The following SASS6 variants were observed in gnomAD, a reference collection of about 807,000 sequenced individuals.
The protein encoded by SASS6 is SAS-6 centriolar assembly protein.
In SASS6, 59 loss-of-function variants were observed where a neutral mutation model predicts 94.9. The observed-to-expected ratio is 0.62, with a 90% CI of 0.50 to 0.77. The LOEUF is 0.77. SASS6 is among the 30% of genes least tolerant of loss of function. The pLI, the probability that SASS6 is intolerant of heterozygous loss-of-function variation, is 0.00. For missense variants in SASS6, 698 were observed against 734.1 expected (o/e 0.95, Z 0.57); for synonymous variants, 264 against 270.0 (o/e 0.98, Z 0.22).
chr1:100,127,349 C>G (rs1448883752), intron 1 of SASS6, among the ~76,000 whole-genome samples: 1 of 152,178 alleles, frequency 6.6e-6, no homozygotes, highest in African/African-American at 2.4e-5. Flanking sequence ...AAAGTATAAA[C>G]AGCAATTGAG....
chr1:100,113,715 G>A (rs1163270106), intron 7 of SASS6, among the ~76,000 whole-genome samples: 1 of 150,636 alleles, frequency 6.6e-6, no homozygotes, highest in Non-Finnish European at 1.5e-5. Flanking sequence ...ACTAATTAAT[G>A]AAATGAAAAA....
chr1:100,114,505 G>T, intron 7 of SASS6, among the ~76,000 whole-genome samples: 1 of 150,916 alleles, frequency 6.6e-6, no homozygotes, highest in Admixed American at 6.6e-5. Context: ...CCAACATAGT[G>T]AGACTCCATC....
At position 100,085,119 on chromosome 1, in the gene SASS6, T is replaced by C; in HGVS notation, c.*209A>G. The C allele has an allele frequency of 4.1e-6, 2 of 487,224 alleles. No individual in the cohort carries two copies. Among genetic ancestry groups the C allele is most frequent in the African/African-American group, 1.9e-5 (1 of 52,198 alleles). The allele number at this position is 487,224 out of a possible 1,614,324, so 30.2% of individuals were successfully genotyped here. A position where few individuals can be genotyped will look rare whatever the true frequency, so the allele number is the denominator to read the frequency against. ...AACGCCATGTTCACAAACCAAAAAA[T>C]GTCATTTACTCACAATCTTTACCAA... On this transcript the variant is annotated 3_prime_UTR_variant, in exon 17 of 17. Transcript: ENST00000287482.
At position 100,083,700 on chromosome 1, in the gene SASS6, T is replaced by TAAAG. The variant is rs1651008165; in HGVS notation, c.*1624_*1627dup. 6.6e-6 allele frequency: 1 copy of TAAAG among 151,960 alleles called. No individual in the cohort carries two copies. The highest frequency in any genetic ancestry group is 1.5e-5 in the Non-Finnish European group (1 of 67,924). 9.4% of individuals were successfully genotyped at this position (151,960 alleles called of 1,614,324 possible). A position where few individuals can be genotyped will look rare whatever the true frequency, so the allele number is the denominator to read the frequency against. ...CAATTGCAACTAAAAGTTTAGGAGG[T>TAAAG]AAAGAATTAGCACACTTGGAAGTCT... On this transcript the variant is annotated 3_prime_UTR_variant, in exon 17 of 17. Transcript: ENST00000287482.
intron 14 of SASS6, among the ~76,000 whole-genome samples, chr1:100,092,233 C>G (rs566678414): frequency 2.0e-4 from 31 of 151,876 alleles, no homozygotes; most frequent in African/African-American, 7.0e-4. Context: ...GAGAACGATT[C>G]AAATTTACTG....
At chr1:100,132,700 T>C in intron 1 of SASS6, 50 bp downstream of exon 1, 1 of 1,459,450 alleles carries the variant, frequency 6.9e-7, no homozygotes, top group Non-Finnish European at 9.6e-7. Context: ...CTTTCCCCAT[T>C]GGCCTGACCC....
At chr1:100,120,592 A>G in intron 5 of SASS6, 133 bp from the exon 6 acceptor site, 1 of 555,980 alleles carries the variant, frequency 1.8e-6, no homozygotes, top group Non-Finnish European at 3.2e-6. Flanking sequence ...CTCAAATCTA[A>G]ATCATTTTAA....
chr1:100,097,766 G>T (rs1652209273), intron 14 of SASS6, among the ~76,000 whole-genome samples: 1 of 152,106 alleles, frequency 6.6e-6, no homozygotes, highest in Admixed American at 6.5e-5. Flanking sequence ...GGAGGTCGAG[G>T]CTGCAATAAG....
chr1:100,121,168 TA>T (rs1654166551), intron 5 of SASS6, among the ~76,000 whole-genome samples: 1 of 151,736 alleles, frequency 6.6e-6, no homozygotes, highest in Non-Finnish European at 1.5e-5. Flanking sequence ...ACACGATTGG[TA>T]AAAACCCTGA....
rs1484275688 is a variant in SASS6, at chr1:100,132,635, G to C, written c.65+115C>G. 10 of 883,728 alleles carry C rather than the reference G, an allele frequency of 1.1e-5. No individual in the cohort carries two copies. The African/African-American group carries it at 1.5e-4, about 13-fold the overall frequency. 54.7% of individuals were successfully genotyped at this position (883,728 alleles called of 1,614,324 possible). A position where few individuals can be genotyped will look rare whatever the true frequency, so the allele number is the denominator to read the frequency against. On this transcript the variant is annotated intron_variant, in intron 1 of 16. Coordinates refer to ENST00000287482, the MANE Select transcript of SASS6 (RefSeq NM_194292.3). ...TCTGGGTTCCCTATCCGCTTCCTAG[G>C]GGGGCCGACTCGACACCTAGGTGCA... is the stretch of plus-strand genomic sequence containing the variant.
At chr1:100,110,520 GA>G (rs1653246276) in intron 7 of SASS6, 37 bp from the exon 8 acceptor site, 2 of 1,106,012 alleles carry the variant, frequency 1.8e-6, no homozygotes, top group Non-Finnish European at 1.2e-6. Context: ...AAAATTCAAA[GA>G]AAAAAATCAG....
rs1293814889 is a variant in SASS6, at chr1:100,084,652, GAA to G, written c.*674_*675del. On this transcript the variant is annotated 3_prime_UTR_variant, in exon 17 of 17. Coordinates refer to ENST00000287482, the MANE Select transcript of SASS6 (RefSeq NM_194292.3). ...TGAGTATAAACATTTAGGAAGCACT[GAA>G]GTTTTAAAAACTTGTCAGCTCAAAT... 2.6e-5 allele frequency: 4 copies of G among 152,050 alleles called. No individual in the cohort carries two copies. Among genetic ancestry groups the G allele is most frequent in the Admixed American group, 2.6e-4 (4 of 15,254 alleles). 9.4% of individuals were successfully genotyped at this position (152,050 alleles called of 1,614,324 possible). A position where few individuals can be genotyped will look rare whatever the true frequency, so the allele number is the denominator to read the frequency against.
At position 100,085,639 on chromosome 1, in the gene SASS6, G is replaced by A. The variant is rs1359793954; in HGVS notation, c.1773-9C>T. On this transcript the variant is annotated splice_polypyrimidine_tract_variant and intron_variant, in intron 15 of 16. Transcript: ENST00000287482. ...ACCCTACATTTTCACCACTTAAAAA[G>A]AAAATGGTAATAACTTATTTAACAA... The A allele has an allele frequency of 6.6e-7, 1 of 1,525,540 alleles. No individual in the cohort carries two copies. Among genetic ancestry groups the A allele is most frequent in the African/African-American group, 1.4e-5 (1 of 72,898 alleles). The allele number at this position is 1,525,540 out of a possible 1,614,324, so 94.5% of individuals were successfully genotyped here.
At chr1:100,093,198 T>TG (rs2101643989) in intron 14 of SASS6, among the ~76,000 whole-genome samples, 2 of 143,914 alleles carry the variant, frequency 1.4e-5, no homozygotes, top group Non-Finnish European at 3.0e-5. Flanking sequence ...TTTTTTTTTT[T>TG]GTGAGACCTC....
At position 100,114,543 on chromosome 1, in the gene SASS6, TAAAATA is replaced by T. The variant is rs554901781; in HGVS notation, c.670-4066_670-4061del. 5.3e-3 allele frequency among the ~76,000 whole-genome samples: 796 copies of T among 149,902 alleles called. 8 individuals are homozygous for T. The highest frequency in any genetic ancestry group is 0.018 in the African/African-American group (737 of 40,950). On this transcript the variant is annotated intron_variant, in intron 7 of 16. Transcript: ENST00000287482. Reference sequence around the variant, plus strand: ...TAAAAAAAAAATAAATAAATAAAAATAAAATAAAAATAAAAATAAAAAAAATTATCT... The same window carrying T: ...TAAAAAAAAAATAAATAAATAAAAATAAAATAAAAATAAAAAAAATTATCT...
At chr1:100,121,260 A>G (rs921997415) in intron 5 of SASS6, 118 bp downstream of exon 5, 4 of 605,960 alleles carry the variant, frequency 6.6e-6, no homozygotes, top group Non-Finnish European at 1.1e-5. Context: ...TAAATTCGTT[A>G]TATTTCATAA....
At chr1:100,112,767 A>G (rs1030924068) in intron 7 of SASS6, among the ~76,000 whole-genome samples, 2 of 152,220 alleles carry the variant, frequency 1.3e-5, no homozygotes, top group African/African-American at 4.8e-5. Flanking sequence ...TTATCAAAGT[A>G]CGGTCCTCTG....
intron 14 of SASS6, among the ~76,000 whole-genome samples, chr1:100,098,509 GTTAA>G (rs1297855821): frequency 1.3e-5 from 2 of 151,602 alleles, no homozygotes; most frequent in Non-Finnish European, 2.9e-5. Context: ...TCAAGAAAAT[GTTAA>G]TTAACATTAC....
chr1:100,118,978 C>T, intron 7 of SASS6, 40 bp downstream of exon 7: 1 of 1,417,612 alleles, frequency 7.1e-7, no homozygotes, highest in Non-Finnish European at 9.5e-7. Flanking sequence ...TGACTAACAG[C>T]AATAAAAGAT....
Sources: gnomAD v4.1 joint callset for allele counts (sites outside exome capture counted in the v4.1 genomes callset) on GRCh38, gnomAD v4.1.1 for gene constraint, MANE v1.5 for transcripts, NCBI Gene and HGNC (gene_info 2026-07-23, HGNC 2026-07-21) for gene names.